Variants in GJB6 observed in about 807,000 individuals in gnomAD.
The protein encoded by GJB6 is gap junction beta-6 protein.
Under a neutral mutation model 5.4 loss-of-function variants are expected in GJB6, and 5 were observed. The observed-to-expected ratio is 0.92, with a 90% CI of 0.48 to 1.93. The LOEUF is 1.93. Among genes scored for constraint, GJB6 ranks in the 30% most tolerant of loss-of-function variants. The pLI is 0.01. For missense variants in GJB6, 298 were observed against 326.9 expected (o/e 0.91, Z 0.68); for synonymous variants, 136 against 129.6 (o/e 1.05, Z -0.34).
chr13:20,229,800 C>CT (rs1219477330), intron 3 of GJB6, 51 bp from the exon 4 acceptor site: 1 of 104,496 alleles, frequency 9.6e-6, no homozygotes, highest in Non-Finnish European at 2.0e-5. Flanking sequence ...ACTCCCCCCC[C>CT]CCCCGCCCCC....
Position 20,222,840 on chromosome 13 carries a change from A to T in GJB6, c.641T>A (p.Leu214Gln). ...TGATCTCCTAAAACACACTTTCAGCAGCAGGTAGCACAACTCTGCCACGTT... is the reference window on the plus strand; with the variant it reads ...TGATCTCCTAAAACACACTTTCAGCTGCAGGTAGCACAACTCTGCCACGTT... ...LLNVAELCYL[L>Q]LKVCFRRSKR... The change falls in exon 5 of 5, where the codon CTG becomes CAG. Residue 214 changes from leucine (L) to glutamine (Q), a missense_variant. Leu to Gln is a moderately radical substitution (Grantham distance 113, BLOSUM62 -2). Coordinates refer to ENST00000647029, the MANE Select transcript of GJB6 (RefSeq NM_001110219.3). The T allele has an allele frequency of 6.2e-7, 1 of 1,614,164 alleles. No individual in the cohort carries two copies. The highest frequency in any genetic ancestry group is 8.5e-7 in the Non-Finnish European group (1 of 1,180,038).
At chr13:20,229,503 A>G (rs1032050654) in intron 4 of GJB6, 77 bp downstream of exon 4, 1 of 151,792 alleles carries the variant, frequency 6.6e-6, no homozygotes, top group Non-Finnish European at 1.5e-5. Context: ...GTGCCTCCCA[A>G]TTTCGAAGTT....
intron 3 of GJB6, among the ~76,000 whole-genome samples, chr13:20,230,469 T>G (rs1200120628): frequency 6.6e-6 from 1 of 152,208 alleles, no homozygotes; most frequent in African/African-American, 2.4e-5. Context: ...TCCAAACATT[T>G]AAGCTCAACT....
rs1869265869 is a variant in GJB6, at chr13:20,222,776, G to C, written c.705C>G (p.Ala235=). 6.2e-7 allele frequency: 1 copy of C among 1,613,814 alleles called. No homozygotes were observed. Among genetic ancestry groups the C allele is most frequent in the East Asian group, 2.2e-5 (1 of 44,872 alleles). The change falls in exon 5 of 5, where the codon GCC becomes GCG. Residue 235 remains alanine, a synonymous_variant. Transcript: ENST00000647029. Reference sequence around the variant, plus strand: ...TTTCATTCTGCTTACTCTCCTTTAGGGCATGATTGGGGTGATTTTTTTGCG... The same window carrying C: ...TTTCATTCTGCTTACTCTCCTTTAGCGCATGATTGGGGTGATTTTTTTGCG... ...AQTQKNHPNH[A]LKESKQNEMN...
chr13:20,223,126 C>G lies in GJB6; in HGVS notation c.355G>C (p.Glu119Gln). 1 of 1,614,048 alleles carries G rather than the reference C, an allele frequency of 6.2e-7. No individual in the cohort carries two copies. The highest frequency in any genetic ancestry group is 1.1e-5 in the South Asian group (1 of 91,078). ...GEKRNDFKDI[E>Q]DIKKQKVRIE... is the part of the protein sequence containing the mutation. Reference sequence around the variant, plus strand: ...CGAACCTTCTGCTTTTTAATGTCCTCTATGTCTTTGAAATCATTCCTCTTC... The same window carrying G: ...CGAACCTTCTGCTTTTTAATGTCCTGTATGTCTTTGAAATCATTCCTCTTC... The change falls in exon 5 of 5, where the codon GAG becomes CAG. Residue 119 changes from glutamate to glutamine, a missense_variant. By Grantham distance (29) the Glu-to-Gln change is conservative. Coordinates refer to ENST00000647029, the MANE Select transcript of GJB6 (RefSeq NM_001110219.3).
intron 4 of GJB6, among the ~76,000 whole-genome samples, chr13:20,227,876 T>A (rs1015836466): frequency 6.6e-5 from 10 of 152,110 alleles, no homozygotes; most frequent in African/African-American, 2.2e-4. Context: ...CGCAGGAGAC[T>A]CAGCAAGTTT....
intron 1 of GJB6, among the ~76,000 whole-genome samples, chr13:20,231,882 C>T (rs1267781804): frequency 6.6e-6 from 1 of 152,262 alleles, no homozygotes; most frequent in African/African-American, 2.4e-5. Context: ...CATCCTCGTT[C>T]CTCTGCGTAC....
intron 4 of GJB6, among the ~76,000 whole-genome samples, chr13:20,227,107 A>G (rs1869639105): frequency 6.6e-6 from 1 of 151,870 alleles, no homozygotes; most frequent in Non-Finnish European, 1.5e-5. Flanking sequence ...AGGGTCCCTG[A>G]CCTCTGCAGC....
chr13:20,225,659 T>C (rs1352618552), intron 4 of GJB6: 1 of 152,178 alleles, frequency 6.6e-6, no homozygotes, highest in African/African-American at 2.4e-5. Context: ...AGGGCAAATA[T>C]CTTGATTTTT....
intron 4 of GJB6, among the ~76,000 whole-genome samples, chr13:20,227,021 G>C (rs1869631384): frequency 6.6e-6 from 1 of 152,106 alleles, no homozygotes; most frequent in African/African-American, 2.4e-5. Flanking sequence ...GGATGATTCT[G>C]AGAGGCTAAA....
chr13:20,230,122 T>G (rs1420799808), intron 3 of GJB6: 1 of 152,182 alleles, frequency 6.6e-6, no homozygotes, highest in Non-Finnish European at 1.5e-5. Flanking sequence ...AGAATAGATT[T>G]CTTTTGTCTC....
chr13:20,222,932 A>G lies in GJB6; in HGVS notation c.549T>C (p.Ser183=). Residue 183 remains serine, a synonymous_variant, in exon 5 of 5, where the codon TCT becomes TCC. Coordinates refer to ENST00000647029, the MANE Select transcript of GJB6 (RefSeq NM_001110219.3). The stretch of plus-strand genomic sequence containing the variant: ...TAAACACGGTCTTCTCTGTTGGCCT[A>G]GAAATAAAGCAGTCAACAAGGTTGG... ...PCPNLVDCFI[S]RPTEKTVFTI... is the part of the protein sequence containing the mutation. 1 of 1,614,152 alleles carries G rather than the reference A, an allele frequency of 6.2e-7. No homozygotes were observed. The highest frequency in any genetic ancestry group is 8.5e-7 in the Non-Finnish European group (1 of 1,179,968).
chr13:20,223,432 A>G lies in GJB6; in HGVS notation c.49T>C (p.Ser17Pro). 1.2e-6 allele frequency: 2 copies of G among 1,614,072 alleles called. No individual in the cohort carries two copies. The highest frequency in any genetic ancestry group is 1.7e-6 in the Non-Finnish European group (2 of 1,179,952). Residue 17 changes from serine to proline, a missense_variant, in exon 5 of 5, where the codon TCC becomes CCC. Ser to Pro is a moderately conservative substitution (Grantham distance 74). Coordinates refer to ENST00000647029, the MANE Select transcript of GJB6 (RefSeq NM_001110219.3). ...HTFIGGVNKHSTSIGKVWITV... is the reference protein window; with the variant it reads ...HTFIGGVNKHPTSIGKVWITV... ...ATCCACACCTTCCCGATGCTGGTGG[A>G]GTGTTTGTTGACACCCCCGATGAAA...
At position 20,228,479 on chromosome 13, in the gene GJB6, TGTTTTTG is replaced by T. The variant is rs1303341612; in HGVS notation, c.-16+1094_-16+1100del. ...TTCTTGTTTGTTTGTTTTTGTTTTT[TGTTTTTG>T]TTTTTTGTTTTTTTTGAGATGGAGT... On this transcript the variant is annotated intron_variant, in intron 4 of 4. Transcript: ENST00000647029. Among the ~76,000 whole-genome samples the T allele has an allele frequency of 5.6e-3, 725 of 130,042 alleles. 7 individuals are homozygous for T. Among genetic ancestry groups the T allele is most frequent in the Non-Finnish European group, 6.4e-3 (405 of 63,142 alleles). The allele number at this position is 130,042 out of a possible 152,430, so 85.3% of individuals were successfully genotyped here. A position where few individuals can be genotyped will look rare whatever the true frequency, so the allele number is the denominator to read the frequency against.
chr13:20,229,095 G>C (rs1419549684), intron 4 of GJB6, among the ~76,000 whole-genome samples: 2 of 117,024 alleles, frequency 1.7e-5, no homozygotes, highest in African/African-American at 3.3e-5. Flanking sequence ...TTTCTAGATA[G>C]CTCTGTTCCC....
rs1027253577 is a variant in GJB6 at position 20,223,004 on chromosome 13, A to T, written c.477T>A (p.Asn159Lys). The T allele has an allele frequency of 6.2e-7, 1 of 1,614,072 alleles. No individual in the cohort carries two copies. The highest frequency in any genetic ancestry group is 8.5e-7 in the Non-Finnish European group (1 of 1,180,032). Reference protein sequence around the residue: ...AFMYVFYFLYNGYHLPWVLKC... With the variant: ...AFMYVFYFLYKGYHLPWVLKC... Reference sequence around the variant, plus strand: ...TCAACACCCAGGGCAGGTGGTACCCATTGTAAAGGAAGTAAAACACATACA... The same window carrying T: ...TCAACACCCAGGGCAGGTGGTACCCTTTGTAAAGGAAGTAAAACACATACA... The change falls in exon 5 of 5, where the codon AAT becomes AAA. Residue 159 changes from asparagine (N) to lysine (K), a missense_variant. Asn to Lys is a moderately conservative substitution (Grantham distance 94). Coordinates refer to ENST00000647029, the MANE Select transcript of GJB6 (RefSeq NM_001110219.3).
In GJB6 at chr13:20,222,369, C is replaced by T. The variant is rs1869231193; in HGVS notation, c.*326G>A. On this transcript the variant is annotated 3_prime_UTR_variant, in exon 5 of 5. Coordinates refer to ENST00000647029, the MANE Select transcript of GJB6 (RefSeq NM_001110219.3). ...CTTTTCCTAATAAACGTATCAATTCCTGGATAAATGTTCCTTATCAACAAC... is the reference window on the plus strand; with the variant it reads ...CTTTTCCTAATAAACGTATCAATTCTTGGATAAATGTTCCTTATCAACAAC... 3.9e-6 allele frequency: 1 copy of T among 255,188 alleles called. No homozygotes were observed. Among genetic ancestry groups the T allele is most frequent in the Admixed American group, 4.9e-5 (1 of 20,414 alleles). The allele number at this position is 255,188 out of a possible 1,614,324, so 15.8% of individuals were successfully genotyped here. A position where few individuals can be genotyped will look rare whatever the true frequency, so the allele number is the denominator to read the frequency against.
chr13:20,224,132 G>C (rs1287349775), intron 4 of GJB6, among the ~76,000 whole-genome samples: 1 of 151,980 alleles, frequency 6.6e-6, no homozygotes, highest in Non-Finnish European at 1.5e-5. Context: ...TTTAATCACT[G>C]TCTGATCCAT....
intron 4 of GJB6, among the ~76,000 whole-genome samples, chr13:20,224,759 A>T (rs1869459901): frequency 6.6e-6 from 1 of 152,216 alleles, no homozygotes; most frequent in Non-Finnish European, 1.5e-5. Context: ...AGAAAGTAAA[A>T]GACCTCTCCC....
Sources: gnomAD v4.1 joint callset for allele counts (sites outside exome capture counted in the v4.1 genomes callset) on GRCh38, gnomAD v4.1.1 for gene constraint, MANE v1.5 for transcripts, NCBI Gene and HGNC (gene_info 2026-07-23, HGNC 2026-07-21) for gene names.